RASGEF1A: variants seen among roughly 807,000 people sequenced by gnomAD.
The protein encoded by RASGEF1A is RasGEF domain family member 1A.
A neutral mutation model predicts 56.4 loss-of-function variants in RASGEF1A; 18 were observed. The ratio of observed to expected loss-of-function variants is 0.32; its 90% CI spans 0.22 to 0.47. RASGEF1A has a LOEUF of 0.47. Ranked by LOEUF, RASGEF1A falls within the 20% of genes least tolerant of loss-of-function variation. The pLI, the probability that RASGEF1A is intolerant of heterozygous loss-of-function variation, is 1.00. For synonymous variants in RASGEF1A, 245 were observed against 242.6 expected (o/e 1.01, Z -0.09); for missense variants, 422 against 627.1 (o/e 0.67, Z 3.49).
intron 1 of RASGEF1A, among the ~76,000 whole-genome samples, chr10:43,251,798 AG>A (rs757939048): frequency 6.6e-6 from 1 of 152,130 alleles, no homozygotes; most frequent in Non-Finnish European, 1.5e-5. Flanking sequence ...CAGGACTGTG[AG>A]GGGGACCAGG....
chr10:43,207,501 G>A, intron 1 of RASGEF1A: 1 of 984,826 alleles, frequency 1.0e-6, no homozygotes. Flanking sequence ...GACGTCACTG[G>A]TTTTCCCACC....
At position 43,208,978 on chromosome 10, in the gene RASGEF1A, G is replaced by A. The variant is rs897150226; in HGVS notation, c.-6-2856C>T. On this transcript the variant is annotated intron_variant, in intron 1 of 12. Transcript: ENST00000395810. ...GATGATGACAGCACTTCCACTGCGG[G>A]GTCCCCTGCCGGCCACCCCCACCCA... The A allele has an allele frequency of 5.1e-6, 5 of 985,322 alleles. No homozygotes were observed. In the African/African-American group the frequency reaches 7.0e-5, roughly 14 times the overall value. The allele number at this position is 985,322 out of a possible 1,614,324, so 61.0% of individuals were successfully genotyped here.
At chr10:43,265,608 A>C (rs1836609855) in intron 1 of RASGEF1A, among the ~76,000 whole-genome samples, 1 of 152,244 alleles carries the variant, frequency 6.6e-6, no homozygotes, top group East Asian at 1.9e-4. Context: ...TTCCAAAGCA[A>C]AGTGTCACTG....
At position 43,206,727 on chromosome 10, in the gene RASGEF1A, G is replaced by C. The variant is rs553269848; in HGVS notation, c.-6-605C>G. On this transcript the variant is annotated intron_variant, in intron 1 of 12. Transcript: ENST00000395810. Reference sequence around the variant, plus strand: ...GGTGGGTCTTGCCACAGCCCAAGGAGAGCTTGCTCAGGCAGGCGGTAGCAG... The same window carrying C: ...GGTGGGTCTTGCCACAGCCCAAGGACAGCTTGCTCAGGCAGGCGGTAGCAG... 3.1e-5 allele frequency: 31 copies of C among 986,676 alleles called. No homozygotes were observed. The East Asian group carries it at 1.0e-3, about 32-fold the overall frequency. 61.1% of individuals were successfully genotyped at this position (986,676 alleles called of 1,614,324 possible).
At chr10:43,234,237 G>A (rs542145407) in intron 1 of RASGEF1A, among the ~76,000 whole-genome samples, 6 of 152,272 alleles carry the variant, frequency 3.9e-5, no homozygotes, top group Non-Finnish European at 8.8e-5. Context: ...GAGAACATCT[G>A]GGCCAGGACA....
intron 1 of RASGEF1A, among the ~76,000 whole-genome samples, chr10:43,263,684 C>T (rs115659597): frequency 0.012 from 1,845 of 152,266 alleles, 41 homozygotes; most frequent in African/African-American, 0.042. Flanking sequence ...CAGCCCCTAC[C>T]CCAGCCCGGG....
At chr10:43,249,418 T>TGG (rs933987502) in intron 1 of RASGEF1A, among the ~76,000 whole-genome samples, 2 of 152,224 alleles carry the variant, frequency 1.3e-5, no homozygotes, top group African/African-American at 2.4e-5. Context: ...GTCACGGTCC[T>TGG]GGGGGAAGGG....
chr10:43,239,040 TA>T (rs1166081607), intron 1 of RASGEF1A, among the ~76,000 whole-genome samples: 2 of 152,202 alleles, frequency 1.3e-5, no homozygotes, highest in Non-Finnish European at 2.9e-5. Context: ...TGATGCCCTG[TA>T]GTTTCTTTAC....
chr10:43,249,526 C>G (rs180722810), intron 1 of RASGEF1A, among the ~76,000 whole-genome samples: 1 of 152,246 alleles, frequency 6.6e-6, no homozygotes, highest in Admixed American at 6.5e-5. Context: ...CACCCTCTCT[C>G]CCCATTGCTG....
intron 1 of RASGEF1A, chr10:43,229,783 G>C: frequency 7.9e-7 from 1 of 1,261,360 alleles, no homozygotes; most frequent in Non-Finnish European, 1.0e-6. Flanking sequence ...CCGCTGGAGG[G>C]GTGGGACCCC....
At chr10:43,212,838 A>G (rs1004018281) in intron 1 of RASGEF1A, among the ~76,000 whole-genome samples, 2 of 152,176 alleles carry the variant, frequency 1.3e-5, no homozygotes, top group African/African-American at 4.8e-5. Flanking sequence ...TAGCTTCTGA[A>G]TATTCACAGC....
At chr10:43,234,007 C>A (rs866359015) in intron 1 of RASGEF1A, among the ~76,000 whole-genome samples, 1 of 152,144 alleles carries the variant, frequency 6.6e-6, no homozygotes, top group South Asian at 2.1e-4. Flanking sequence ...CTAAGGTTGG[C>A]CCCACGTGGA....
chr10:43,238,148 A>T (rs1229344331), intron 1 of RASGEF1A, among the ~76,000 whole-genome samples: 1 of 105,834 alleles, frequency 9.4e-6, no homozygotes, highest in Non-Finnish European at 2.0e-5. Context: ...AGGGTTTGCC[A>T]TCACAGAGTA....
intron 10 of RASGEF1A, 60 bp from the exon 11 acceptor site, chr10:43,197,159 A>G: frequency 6.3e-7 from 1 of 1,583,272 alleles, no homozygotes; most frequent in Non-Finnish European, 8.6e-7. Context: ...ACCCTCGGTC[A>G]GGGCAGGGGA....
chr10:43,220,242 G>A (rs1840190514), intron 1 of RASGEF1A, among the ~76,000 whole-genome samples: 1 of 152,216 alleles, frequency 6.6e-6, no homozygotes, highest in South Asian at 2.1e-4. Context: ...GCTCACACCT[G>A]TAATCCTGGC....
At chr10:43,257,671 G>T (rs549632840) in intron 1 of RASGEF1A, among the ~76,000 whole-genome samples, 115 of 152,318 alleles carry the variant, frequency 7.5e-4, no homozygotes, top group African/African-American at 2.7e-3. Context: ...CCCGTCAGCG[G>T]TGCCCTCCCC....
At chr10:43,257,364 C>A (rs1289994445) in intron 1 of RASGEF1A, among the ~76,000 whole-genome samples, 1 of 152,244 alleles carries the variant, frequency 6.6e-6, no homozygotes. Flanking sequence ...GTGGGCAGCT[C>A]ATCAGCCACA....
chr10:43,237,456 C>A (rs1179619001), intron 1 of RASGEF1A, among the ~76,000 whole-genome samples: 1 of 149,602 alleles, frequency 6.7e-6, no homozygotes, highest in East Asian at 2.0e-4. Context: ...CCCTCCCCTC[C>A]CCCCCACCTC....
chr10:43,219,907 A>T (rs1247178395), intron 1 of RASGEF1A, among the ~76,000 whole-genome samples: 1 of 152,216 alleles, frequency 6.6e-6, no homozygotes, highest in Admixed American at 6.5e-5. Context: ...CTCCTGGCAG[A>T]TGGCTGTGGG....
Sources: gnomAD v4.1 joint callset for allele counts (sites outside exome capture counted in the v4.1 genomes callset) on GRCh38, gnomAD v4.1.1 for gene constraint, MANE v1.5 for transcripts, NCBI Gene and HGNC (gene_info 2026-07-23, HGNC 2026-07-21) for gene names.